Variants in DEPTOR observed in about 807,000 individuals in gnomAD.
The protein encoded by DEPTOR is DEP domain containing MTOR interacting protein.
Under a neutral mutation model 41.6 loss-of-function variants are expected in DEPTOR, and 41 were observed. The observed-to-expected ratio is 0.98, with a 90% CI of 0.77 to 1.28. DEPTOR has a LOEUF of 1.28. Among genes scored for constraint, DEPTOR ranks in the 50% most tolerant of loss-of-function variants. DEPTOR has a pLI of 0.00. For synonymous variants in DEPTOR, 195 were observed against 192.3 expected (o/e 1.01, Z -0.12); for missense variants, 514 against 527.9 (o/e 0.97, Z 0.26).
intron 1 of DEPTOR, among the ~76,000 whole-genome samples, chr8:119,903,974 CT>C (rs1827627119): frequency 6.6e-6 from 1 of 152,068 alleles, no homozygotes; most frequent in Non-Finnish European, 1.5e-5. Flanking sequence ...ATTCCTGACT[CT>C]GGGGGCCAGG....
At chr8:119,929,548 T>C (rs949037634) in intron 2 of DEPTOR, among the ~76,000 whole-genome samples, 2 of 152,154 alleles carry the variant, frequency 1.3e-5, no homozygotes, top group African/African-American at 4.8e-5. Flanking sequence ...TTGAATTGTG[T>C]GAACTTCCTA....
intron 1 of DEPTOR, among the ~76,000 whole-genome samples, chr8:119,879,734 G>A (rs1388519673): frequency 1.0e-4 from 15 of 145,944 alleles, no homozygotes; most frequent in Admixed American, 9.1e-4. Flanking sequence ...ATCAAGGGCC[G>A]GGCACGGGGA....
At chr8:119,882,150 C>T (rs1827306099) in intron 1 of DEPTOR, among the ~76,000 whole-genome samples, 1 of 152,092 alleles carries the variant, frequency 6.6e-6, no homozygotes, top group Non-Finnish European at 1.5e-5. Context: ...CTTGGCCTCC[C>T]AAAATGCTGG....
chr8:120,030,497 G>GTTTTGT, intron 8 of DEPTOR, among the ~76,000 whole-genome samples: 1 of 46,216 alleles, frequency 2.2e-5, no homozygotes, highest in Admixed American at 3.8e-4. Flanking sequence ...AGGTTCATCA[G>GTTTTGT]TTTTTTTTTT....
intron 1 of DEPTOR, among the ~76,000 whole-genome samples, chr8:119,877,704 C>A (rs555288935): frequency 6.6e-6 from 1 of 152,298 alleles, no homozygotes; most frequent in East Asian, 1.9e-4. Context: ...TGTAGCTATG[C>A]CCTCTTGAGC....
chr8:119,922,951 C>T (rs1339541357), intron 1 of DEPTOR, among the ~76,000 whole-genome samples: 1 of 152,152 alleles, frequency 6.6e-6, no homozygotes, highest in Non-Finnish European at 1.5e-5. Context: ...GGAAGTACTT[C>T]AGACCCAGGA....
chr8:119,918,922 A>C (rs1827853454), intron 1 of DEPTOR, among the ~76,000 whole-genome samples: 1 of 144,420 alleles, frequency 6.9e-6, no homozygotes, highest in Non-Finnish European at 1.5e-5. Context: ...TGGTTACTGC[A>C]GCTATTTGCA....
chr8:120,006,860 A>C lies in DEPTOR; in HGVS notation c.981A>C (p.Ala327=), dbSNP rs371319850. The C allele has an allele frequency of 3.3e-5, 53 of 1,614,050 alleles. No individual in the cohort carries two copies. The highest frequency in any genetic ancestry group is 1.2e-4 in the African/African-American group (9 of 74,924). ...TCCTTACTCCCGGGGCTCCGTATGC[A>C]AGGAAGACATTCACGGTAGGCTGAT... ...EELLTPGAPY[A]RKTFTIVGDA... Residue 327 remains alanine, a synonymous_variant, in exon 7 of 9, where the codon GCA becomes GCC. Transcript: ENST00000286234.
chr8:120,006,935 G>A, intron 7 of DEPTOR, 60 bp downstream of exon 7: 1 of 1,472,568 alleles, frequency 6.8e-7, no homozygotes, highest in Non-Finnish European at 9.5e-7. Context: ...CCGTGTCCAT[G>A]TGTCAATGGG....
chr8:119,917,174 A>C (rs1361024381), intron 1 of DEPTOR, among the ~76,000 whole-genome samples: 1 of 152,212 alleles, frequency 6.6e-6, no homozygotes, highest in Non-Finnish European at 1.5e-5. Context: ...GCTACACATT[A>C]TTAGAGTCAA....
chr8:119,915,960 A>AT (rs1356616535), intron 1 of DEPTOR, among the ~76,000 whole-genome samples: 27 of 145,024 alleles, frequency 1.9e-4, no homozygotes, highest in African/African-American at 6.3e-4. Context: ...AAAAAAAAAA[A>AT]AAAAAAAGCT....
chr8:119,920,643 A>T (rs1388050439), intron 1 of DEPTOR, among the ~76,000 whole-genome samples: 1 of 152,166 alleles, frequency 6.6e-6, no homozygotes, highest in African/African-American at 2.4e-5. Context: ...TGTGATTGGG[A>T]GGTGAGAGAG....
At chr8:120,030,497 GT>G (rs1171655489) in intron 8 of DEPTOR, among the ~76,000 whole-genome samples, 59 of 46,204 alleles carry the variant, frequency 1.3e-3, no homozygotes, top group Admixed American at 2.3e-3. Flanking sequence ...AGGTTCATCA[GT>G]TTTTTTTTTT....
intron 1 of DEPTOR, among the ~76,000 whole-genome samples, chr8:119,888,890 T>C (rs1288163818): frequency 2.0e-5 from 3 of 150,480 alleles, no homozygotes; most frequent in Non-Finnish European, 4.4e-5. Flanking sequence ...AAGACTTCTT[T>C]GTCTGTTCAT....
intron 1 of DEPTOR, among the ~76,000 whole-genome samples, chr8:119,893,862 A>G (rs1827481288): frequency 6.6e-6 from 1 of 152,092 alleles, no homozygotes; most frequent in Admixed American, 6.5e-5. Flanking sequence ...GTGTTCCTCC[A>G]TTGATTCTCC....
At position 119,981,048 on chromosome 8, in the gene DEPTOR, C is replaced by T. The variant is rs564672048; in HGVS notation, c.604+15638C>T. 7.9e-5 allele frequency among the ~76,000 whole-genome samples: 12 copies of T among 152,278 alleles called. No homozygotes were observed. The East Asian group carries it at 2.3e-3, about 29-fold the overall frequency. On this transcript the variant is annotated intron_variant, in intron 4 of 8. Transcript: ENST00000286234. ...AAAGCCCAAAGGTATTAGGAAGTCA[C>T]CCAAAGAAAACACAGTAAATGGCAT...
chr8:120,004,127 AAAAAAC>A (rs1295157632), intron 6 of DEPTOR, among the ~76,000 whole-genome samples: 1 of 152,254 alleles, frequency 6.6e-6, no homozygotes, highest in African/African-American at 2.4e-5. Context: ...TCTTTGGAGA[AAAAAAC>A]AAAACATTTC....
At chr8:119,954,582 A>G (rs1169453947) in intron 3 of DEPTOR, among the ~76,000 whole-genome samples, 2 of 152,110 alleles carry the variant, frequency 1.3e-5, no homozygotes, top group Non-Finnish European at 2.9e-5. Flanking sequence ...GCTCCTGTAC[A>G]TCATTCACAT....
chr8:120,047,011 G>C (rs1419337317), intron 8 of DEPTOR, among the ~76,000 whole-genome samples: 2 of 152,134 alleles, frequency 1.3e-5, no homozygotes, highest in Admixed American at 1.3e-4. Context: ...AGAGAAGCCA[G>C]AGTCTGGGTT....
Sources: gnomAD v4.1 joint callset for allele counts (sites outside exome capture counted in the v4.1 genomes callset) on GRCh38, gnomAD v4.1.1 for gene constraint, MANE v1.5 for transcripts, NCBI Gene and HGNC (gene_info 2026-07-23, HGNC 2026-07-21) for gene names.